Variants in NCOR1 observed in about 807,000 individuals in gnomAD.
NCOR1 encodes the protein nuclear receptor corepressor 1, also known as protein phosphatase 1, regulatory subunit 109.
A neutral mutation model predicts 288.1 loss-of-function variants in NCOR1; 63 were observed. The ratio of observed to expected loss-of-function variants is 0.22; its 90% confidence interval spans 0.18 to 0.27. NCOR1 has a LOEUF of 0.27. Ranked by LOEUF, NCOR1 falls within the 10% of genes least tolerant of loss-of-function variation. The pLI, the probability that NCOR1 is intolerant of heterozygous loss-of-function variation, is 1.00. For synonymous variants in NCOR1, 1,007 were observed against 1,065.9 expected, an observed-to-expected ratio of 0.94 and a Z score of 1.08; for missense variants, 2,397 against 3,019.2, an observed-to-expected ratio of 0.79 and a Z score of 4.83.
At chr17:16,072,321 T>C in intron 28 of NCOR1, 93 bp from the exon 29 acceptor site, 2 of 913,098 alleles carry the variant, frequency 2.2e-6, no homozygotes, top group East Asian at 2.6e-5. Flanking sequence ...ATGTTTTTGA[T>C]AAATGCTCTA....
chr17:16,127,159 GTA>G lies in NCOR1; in HGVS notation c.1510-955_1510-954del, dbSNP rs998775463. On this transcript the variant is annotated intron_variant, in intron 14 of 45. Transcript: ENST00000268712. ...TATACATGTATGTATATATCTGTAT[GTA>G]TATATACATGTATGTATATATCTGT... 1.3e-4 allele frequency among the ~76,000 whole-genome samples: 17 copies of G among 134,814 alleles called. 2 individuals are homozygous for G. The highest frequency in any genetic ancestry group is 3.5e-4 in the African/African-American group (11 of 31,752). The allele number at this position is 134,814 out of a possible 152,430, so 88.4% of individuals were successfully genotyped here. A position where few individuals can be genotyped will look rare whatever the true frequency, so the allele number is the denominator to read the frequency against.
chr17:16,211,682 GAAAAA>G (rs901053765), intron 1 of NCOR1, among the ~76,000 whole-genome samples: 3 of 146,026 alleles, frequency 2.1e-5, no homozygotes, highest in Non-Finnish European at 4.5e-5. Context: ...CAAATGCAAA[GAAAAA>G]AAAAATAGGT....
chr17:16,065,111 A>C, intron 33 of NCOR1, 92 bp from the exon 34 acceptor site: 2 of 1,181,046 alleles, frequency 1.7e-6, no homozygotes, highest in Middle Eastern at 2.0e-4. Context: ...CTGTGAATCA[A>C]GGGTAATTTG....
intron 15 of NCOR1, among the ~76,000 whole-genome samples, chr17:16,121,664 T>A (rs950289067): frequency 1.3e-5 from 2 of 152,190 alleles, no homozygotes; most frequent in Non-Finnish European, 2.9e-5. Flanking sequence ...GCCTCATGTA[T>A]GAAATGAAGA....
rs1418723469 is a variant in NCOR1, at chr17:16,080,053, C to G, written c.3412G>C (p.Ala1138Pro). ...CGAGTTATACTTCCTTCTTGTATGG[C>G]TCCTGCGGTACCTGAATACAAACAA... Reference protein sequence around the residue: ...HEGVVRGTAGAIQEGSITRGT... With the variant: ...HEGVVRGTAGPIQEGSITRGT... The change falls in exon 26 of 46, where the codon GCC becomes CCC. Residue 1138 changes from alanine to proline, a missense_variant. By Grantham distance (27) the Ala-to-Pro change is conservative. Around this residue, in one of 11 missense-constraint regions of NCOR1, gnomAD observed 1,872 missense variants for 2,187.8 expected, o/e 0.86. Coordinates refer to ENST00000268712, the MANE Select transcript of NCOR1 (RefSeq NM_006311.4). The G allele has an allele frequency of 1.1e-5, 18 of 1,613,870 alleles. No homozygotes were observed. Among genetic ancestry groups the G allele is most frequent in the Non-Finnish European group, 1.5e-5 (18 of 1,179,858 alleles).
intron 1 of NCOR1, among the ~76,000 whole-genome samples, chr17:16,211,588 G>A (rs1042341886): frequency 5.3e-5 from 8 of 152,038 alleles, no homozygotes; most frequent in Non-Finnish European, 1.0e-4. Context: ...TTAAATAAAA[G>A]TAACAGCAGG....
rs2062298971 is a variant in NCOR1 at position 16,075,280 on chromosome 17, C to A, written c.3670+254G>T. Among the ~76,000 whole-genome samples, 3 of 152,316 alleles carry A rather than the reference C, an allele frequency of 2.0e-5. 1 individual carries two copies. In the South Asian group the frequency reaches 6.2e-4, roughly 32 times the overall value. On this transcript the variant is annotated intron_variant, in intron 27 of 45. Coordinates refer to ENST00000268712, the MANE Select transcript of NCOR1 (RefSeq NM_006311.4). The stretch of plus-strand genomic sequence containing the variant: ...TCTTTACCTAAGCTAAACTGACTGA[C>A]CACAGTCGACAATCTTAGCTACCAC...
intron 14 of NCOR1, among the ~76,000 whole-genome samples, 198 bp from the exon 15 acceptor site, chr17:16,126,404 G>A (rs556678564): frequency 4.6e-5 from 7 of 152,114 alleles, no homozygotes; most frequent in Admixed American, 3.3e-4. Flanking sequence ...CCTACACGCA[G>A]ACACAAATGC....
chr17:16,065,817 T>C, intron 32 of NCOR1, 123 bp from the exon 33 acceptor site: 1 of 804,624 alleles, frequency 1.2e-6, no homozygotes, highest in Non-Finnish European at 2.0e-6. Flanking sequence ...GAACTTTTAC[T>C]TAGCTACAAG....
intron 14 of NCOR1, among the ~76,000 whole-genome samples, chr17:16,130,708 G>C (rs887737104): frequency 2.0e-5 from 3 of 152,124 alleles, no homozygotes; most frequent in African/African-American, 7.2e-5. Context: ...TTGTGAGACA[G>C]GGTCTTACTA....
In NCOR1 at chr17:16,031,308, A is replaced by G. The variant is rs1971943921; in HGVS notation, c.*988T>C. The G allele has an allele frequency of 5.2e-6, 1 of 191,764 alleles. No homozygotes were observed. The highest frequency in any genetic ancestry group is 1.1e-5 in the Non-Finnish European group (1 of 91,714). The allele number at this position is 191,764 out of a possible 1,614,324, so 11.9% of individuals were successfully genotyped here. On this transcript the variant is annotated 3_prime_UTR_variant, in exon 46 of 46. Coordinates refer to ENST00000268712, the MANE Select transcript of NCOR1 (RefSeq NM_006311.4). ...ACACAGATCATTATCTTTTAACCCAACCAATCATATATTCAAACTAAGGGA... is the reference window on the plus strand; with the variant it reads ...ACACAGATCATTATCTTTTAACCCAGCCAATCATATATTCAAACTAAGGGA...
rs189169364 is a variant in NCOR1 at position 16,077,371 on chromosome 17, T to A, written c.3502-1669A>T. The stretch of plus-strand genomic sequence containing the variant: ...GAGATGGCACCACTGCACTCCATGC[T>A]CCAGCCTGGGCAACAGAGCAAGACT... On this transcript the variant is annotated intron_variant, in intron 26 of 45. Transcript: ENST00000268712. 1.4e-3 allele frequency among the ~76,000 whole-genome samples: 201 copies of A among 146,526 alleles called. 1 individual carries two copies. Among genetic ancestry groups the A allele is most frequent in the African/African-American group, 4.6e-3 (182 of 39,292 alleles).
chr17:16,093,916 CCTTTT>C (rs1402621653), intron 21 of NCOR1, among the ~76,000 whole-genome samples: 1 of 151,912 alleles, frequency 6.6e-6, no homozygotes, highest in Non-Finnish European at 1.5e-5. Flanking sequence ...TTTTTTAATG[CCTTTT>C]TTTTGAGACA....
At chr17:16,093,213 T>G (rs1360993199) in intron 21 of NCOR1, among the ~76,000 whole-genome samples, 1 of 152,208 alleles carries the variant, frequency 6.6e-6, no homozygotes, top group East Asian at 1.9e-4. Flanking sequence ...TTGCTCTCCA[T>G]TTTAGACATG....
intron 1 of NCOR1, among the ~76,000 whole-genome samples, chr17:16,212,179 C>T (rs2092192658): frequency 6.6e-6 from 1 of 151,862 alleles, no homozygotes; most frequent in Admixed American, 6.6e-5. Flanking sequence ...GCAGGAGAAT[C>T]ACTTGAACCT....
intron 2 of NCOR1, among the ~76,000 whole-genome samples, chr17:16,189,514 A>G (rs1412525820): frequency 1.3e-5 from 2 of 152,188 alleles, no homozygotes; most frequent in Non-Finnish European, 2.9e-5. Context: ...GAACTGAGGA[A>G]TTCTCTCAGT....
intron 42 of NCOR1, chr17:16,044,998 A>T (rs2058419850): frequency 2.1e-6 from 1 of 469,530 alleles, no homozygotes; most frequent in South Asian, 2.2e-5. Flanking sequence ...GCTGAACTTA[A>T]GAAAAAAAAA....
chr17:16,156,768 CTAAT>C (rs1246492353), intron 6 of NCOR1, among the ~76,000 whole-genome samples: 8 of 151,996 alleles, frequency 5.3e-5, no homozygotes, highest in African/African-American at 1.7e-4. Flanking sequence ...AAACACTATA[CTAAT>C]TAATAAAAAC....
chr17:16,142,002 CAT>C (rs1465717601), intron 11 of NCOR1, among the ~76,000 whole-genome samples: 1 of 152,126 alleles, frequency 6.6e-6, no homozygotes, highest in East Asian at 1.9e-4. Flanking sequence ...TTAAATAATA[CAT>C]ATGAGGTGCT....
Sources: gnomAD v4.1 joint callset for allele counts (sites outside exome capture counted in the v4.1 genomes callset) on GRCh38, gnomAD v4.1.1 for gene constraint, gnomAD v4.1.1 regional missense constraint, MANE v1.5 for transcripts, NCBI Gene and HGNC (gene_info 2026-07-23, HGNC 2026-07-21) for gene names.